ATP2C2: variants seen among roughly 807,000 people sequenced by gnomAD.
ATP2C2 encodes the protein calcium-transporting ATPase type 2C member 2.
In ATP2C2, 171 loss-of-function variants were observed where a neutral mutation model predicts 110.8. The ratio of observed to expected loss-of-function variants is 1.54; its 90% CI spans 1.36 to 1.75. The LOEUF (loss-of-function observed/expected upper bound fraction) is 1.75, where lower values mean the gene tolerates loss of function less well. ATP2C2 is among the 40% of genes most tolerant of loss of function. The probability of loss-of-function intolerance (pLI) is 0.00; values close to 1 mark genes in which losing one functional copy is unlikely to be tolerated. For missense variants in ATP2C2, 1,963 were observed against 1,235.0 expected, an observed-to-expected ratio of 1.59 and a Z score of -8.84; for synonymous variants, 804 against 508.4, an observed-to-expected ratio of 1.58 and a Z score of -7.82.
rs1445471284 is a variant in ATP2C2, at chr16:84,439,505, C to T, written c.1190C>T (p.Ser397Leu). ...ATGACAGTGACCCAGCTTGTAACGT[C>T]AGATGGGCTTCGTGCCGAGGTGAGT... ...NEMTVTQLVT[S>L]DGLRAEVSGV... The change falls in exon 13 of 27, where the codon TCA becomes TTA. Residue 397 changes from serine to leucine, a missense_variant. By Grantham distance (145) the Ser-to-Leu change is moderately radical. Transcript: ENST00000262429. The T allele has an allele frequency of 6.2e-7, 1 of 1,614,200 alleles. No individual in the cohort carries two copies. The highest frequency in any genetic ancestry group is 1.1e-5 in the South Asian group (1 of 91,080).
chr16:84,397,704 C>T (rs1337694932), intron 1 of ATP2C2, among the ~76,000 whole-genome samples: 1 of 128,788 alleles, frequency 7.8e-6, no homozygotes, highest in African/African-American at 2.7e-5. Context: ...TCAGTATTAG[C>T]CAACAACTAA....
chr16:84,408,399 C>T lies in ATP2C2; in HGVS notation c.328-6C>T, dbSNP rs199544894. On this transcript the variant is annotated splice_region_variant and splice_polypyrimidine_tract_variant and intron_variant, in intron 3 of 26. Transcript: ENST00000262429. ...AACGTGCCCCACCCTGTTATTTCCT[C>T]TTCAGTTTAAGAACCCCCTGATCCT... 1.8e-5 allele frequency: 29 copies of T among 1,613,596 alleles called. No homozygotes were observed. Among genetic ancestry groups the T allele is most frequent in the Middle Eastern group, 1.7e-4 (1 of 6,060 alleles).
rs375028020 is a variant in ATP2C2 at position 84,463,645 on chromosome 16, C to G, written c.2754C>G (p.Ser918=). The change falls in exon 27 of 27, where the codon TCC becomes TCG. Residue 918 remains serine, a synonymous_variant. Coordinates refer to ENST00000262429, the MANE Select transcript of ATP2C2 (RefSeq NM_014861.4). ...TGTTTTTAACTGGATTGGCCTCATC[C>G]GTCTTCATTTTGTCAGAGCTCCTCA... ...DLLFLTGLAS[S]VFILSELLKL... is the part of the protein sequence containing the mutation. The G allele has an allele frequency of 1.4e-5, 22 of 1,614,060 alleles. No homozygotes were observed. The East Asian group carries it at 1.8e-4, about 13-fold the overall frequency.
At chr16:84,426,168 A>C (rs1337152492) in intron 11 of ATP2C2, 1 of 207,012 alleles carries the variant, frequency 4.8e-6, no homozygotes, top group African/African-American at 2.3e-5. Context: ...GGGAGGCTCC[A>C]GGAAGTTTCC....
At chr16:84,390,925 C>G (rs1283382842) in intron 1 of ATP2C2, among the ~76,000 whole-genome samples, 1 of 151,898 alleles carries the variant, frequency 6.6e-6, no homozygotes, top group Non-Finnish European at 1.5e-5. Context: ...ACCAGCCCGG[C>G]CAACATGTTC....
At chr16:84,406,018 A>T (rs1905735309) in intron 3 of ATP2C2, among the ~76,000 whole-genome samples, 1 of 152,248 alleles carries the variant, frequency 6.6e-6, no homozygotes, top group Non-Finnish European at 1.5e-5. Flanking sequence ...TTATACTAAA[A>T]ACAAAAAGTT....
Position 84,446,162 on chromosome 16 carries a change from T to TC in ATP2C2, c.1402-166dup, listed in dbSNP as rs1356296178. On this transcript the variant is annotated intron_variant, in intron 15 of 26. Coordinates refer to ENST00000262429, the MANE Select transcript of ATP2C2 (RefSeq NM_014861.4). ...AAGAGAAGAGACTTTTTTTTTTTTT[T>TC]CTAGGTGGGACATTCCAAGAGAAAT... 2.7e-5 allele frequency among the ~76,000 whole-genome samples: 4 copies of TC among 149,328 alleles called. No individual in the cohort carries two copies. In the East Asian group the frequency reaches 7.7e-4, roughly 29 times the overall value.
chr16:84,374,933 A>G (rs147031922), intron 1 of ATP2C2, among the ~76,000 whole-genome samples: 8 of 152,326 alleles, frequency 5.3e-5, no homozygotes, highest in Admixed American at 3.9e-4. Context: ...AGGGACTTCA[A>G]AAATCATATA....
intron 1 of ATP2C2, among the ~76,000 whole-genome samples, chr16:84,380,988 G>C (rs534194653): frequency 6.6e-6 from 1 of 152,262 alleles, no homozygotes; most frequent in Admixed American, 6.5e-5. Context: ...AGATCAGCCC[G>C]GCCAACGTAG....
chr16:84,438,366 G>T (rs1908931083), intron 11 of ATP2C2, among the ~76,000 whole-genome samples: 1 of 152,172 alleles, frequency 6.6e-6, no homozygotes, highest in Admixed American at 6.5e-5. Context: ...CAGGAGTGTG[G>T]AATGTGGGGC....
chr16:84,452,032 A>T lies in ATP2C2; in HGVS notation c.1772A>T (p.Glu591Val). The T allele has an allele frequency of 6.2e-7, 1 of 1,612,576 alleles. No individual in the cohort carries two copies. Among genetic ancestry groups the T allele is most frequent in the Non-Finnish European group, 8.5e-7 (1 of 1,179,818 alleles). Residue 591 changes from glutamate to valine, a missense_variant, in exon 18 of 27, where the codon GAG becomes GTG. Physicochemically the swap from Glu to Val is moderately radical, Grantham distance 121. Coordinates refer to ENST00000262429, the MANE Select transcript of ATP2C2 (RefSeq NM_014861.4). Reference sequence around the variant, plus strand: ...AAGGAAGCAGTCCAGGTTCTCTCCGAGTCTGGTGTGTCTGTGAAGATGATA... The same window carrying T: ...AAGGAAGCAGTCCAGGTTCTCTCCGTGTCTGGTGTGTCTGTGAAGATGATA... ...GVKEAVQVLS[E>V]SGVSVKMITG...
At chr16:84,448,387 C>T (rs35658270) in intron 16 of ATP2C2, 146 bp from the exon 17 acceptor site, 6 of 1,022,844 alleles carry the variant, frequency 5.9e-6, no homozygotes, top group South Asian at 5.8e-5. Flanking sequence ...CTGTCCAGCA[C>T]CTGTGAACAG....
chr16:84,422,773 TG>T, intron 9 of ATP2C2, 76 bp downstream of exon 9: 1 of 1,435,994 alleles, frequency 7.0e-7, no homozygotes, highest in Non-Finnish European at 9.5e-7. Flanking sequence ...ATACCAGCCT[TG>T]CCTACTCCTT....
intron 11 of ATP2C2, among the ~76,000 whole-genome samples, chr16:84,427,856 A>C (rs570898920): frequency 6.0e-4 from 91 of 152,276 alleles, no homozygotes; most frequent in African/African-American, 2.1e-3. Flanking sequence ...AAATGTTCCA[A>C]AATTGATTGT....
intron 7 of ATP2C2, among the ~76,000 whole-genome samples, chr16:84,418,684 C>T (rs963418343): frequency 1.3e-5 from 2 of 152,160 alleles, no homozygotes; most frequent in African/African-American, 4.8e-5. Context: ...GACCCCGGGC[C>T]TCTAGCTCCG....
At chr16:84,463,583 C>A in intron 26 of ATP2C2, 31 bp from the exon 27 acceptor site, 2 of 1,583,306 alleles carry the variant, frequency 1.3e-6, no homozygotes. Flanking sequence ...TGCAGCCCGT[C>A]CTGAATCTTT....
At chr16:84,413,349 G>A (rs932088987) in intron 6 of ATP2C2, among the ~76,000 whole-genome samples, 2 of 152,148 alleles carry the variant, frequency 1.3e-5, no homozygotes, top group Non-Finnish European at 1.5e-5. Flanking sequence ...TTCAAGGGGC[G>A]TGTGTGTATA....
In ATP2C2 at chr16:84,463,800, C is replaced by T; in HGVS notation, c.*68C>T. ...GTTGTGACTGTGGCCCCTGCCGTGT[C>T]TCCTCGTCAGGGGAGACTTTTAGGA... On this transcript the variant is annotated 3_prime_UTR_variant, in exon 27 of 27. Coordinates refer to ENST00000262429, the MANE Select transcript of ATP2C2 (RefSeq NM_014861.4). 1 of 1,390,102 alleles carries T rather than the reference C, an allele frequency of 7.2e-7. No homozygotes were observed. Among genetic ancestry groups the T allele is most frequent in the Non-Finnish European group, 1.0e-6 (1 of 979,652 alleles). 86.1% of individuals were successfully genotyped at this position (1,390,102 alleles called of 1,614,324 possible). A position where few individuals can be genotyped will look rare whatever the true frequency, so the allele number is the denominator to read the frequency against.
At chr16:84,379,456 G>A (rs894704446) in intron 1 of ATP2C2, among the ~76,000 whole-genome samples, 5 of 152,210 alleles carry the variant, frequency 3.3e-5, no homozygotes, top group African/African-American at 9.6e-5. Flanking sequence ...GTGAGCCACT[G>A]TGCCTGGCTG....
Sources: gnomAD v4.1 joint callset for allele counts (sites outside exome capture counted in the v4.1 genomes callset) on GRCh38, gnomAD v4.1.1 for gene constraint, MANE v1.5 for transcripts, NCBI Gene and HGNC (gene_info 2026-07-23, HGNC 2026-07-21) for gene names.